Variants in ARL6IP1 observed in about 807,000 individuals in gnomAD.
The protein encoded by ARL6IP1 is ARL6 interacting reticulophagy regulator 1.
In ARL6IP1, 16 loss-of-function variants were observed where a neutral mutation model predicts 30.1. That is an observed-to-expected ratio of 0.53 (90% CI 0.36 to 0.81). The LOEUF is 0.81. ARL6IP1 is among the 30% of genes least tolerant of loss of function. ARL6IP1 has a pLI of 0.01. For synonymous variants in ARL6IP1, 72 were observed against 84.8 expected, an observed-to-expected ratio of 0.85 and a Z score of 0.83; for missense variants, 173 against 242.7, an observed-to-expected ratio of 0.71 and a Z score of 1.91.
chr16:18,795,799 G>T (rs2030214069), intron 3 of ARL6IP1, among the ~76,000 whole-genome samples: 1 of 151,896 alleles, frequency 6.6e-6, no homozygotes, highest in Admixed American at 6.6e-5. Flanking sequence ...GAGAGAGAGT[G>T]TGTGTGTGTG....
chr16:18,798,636 G>C, intron 2 of ARL6IP1, 65 bp downstream of exon 2: 1 of 1,542,210 alleles, frequency 6.5e-7, no homozygotes, highest in Non-Finnish European at 8.8e-7. Flanking sequence ...ACAAACAGAA[G>C]CTATATATTA....
intron 3 of ARL6IP1, chr16:18,797,627 C>A: frequency 5.0e-6 from 1 of 200,168 alleles, no homozygotes; most frequent in Non-Finnish European, 1.0e-5. Context: ...TGAAAATCTG[C>A]CAGTTTCCTT....
intron 1 of ARL6IP1, chr16:18,801,209 G>GA (rs2141875724): frequency 7.1e-7 from 1 of 1,412,364 alleles, no homozygotes; most frequent in East Asian, 2.6e-5. Flanking sequence ...TCGCGGTGAT[G>GA]AATCACGCGC....
At chr16:18,800,117 A>AGTGTG (rs1200378159) in intron 1 of ARL6IP1, among the ~76,000 whole-genome samples, 7 of 152,222 alleles carry the variant, frequency 4.6e-5, no homozygotes, top group Non-Finnish European at 8.8e-5. Context: ...TGCCACGCTG[A>AGTGTG]GCACTAGTGT....
At chr16:18,797,027 A>G (rs992147595) in intron 3 of ARL6IP1, among the ~76,000 whole-genome samples, 3 of 152,148 alleles carry the variant, frequency 2.0e-5, no homozygotes, top group Non-Finnish European at 4.4e-5. Flanking sequence ...GAAAGTTAAA[A>G]TACTTTTAAT....
At chr16:18,801,108 C>CT in intron 1 of ARL6IP1, 1 of 1,158,104 alleles carries the variant, frequency 8.6e-7, no homozygotes, top group Non-Finnish European at 1.1e-6. Context: ...CGCGAAAGCG[C>CT]TGGACAGGCC....
chr16:18,797,378 T>A (rs1350724195), intron 3 of ARL6IP1, among the ~76,000 whole-genome samples: 1 of 135,250 alleles, frequency 7.4e-6, no homozygotes, highest in Non-Finnish European at 1.6e-5. Flanking sequence ...CGAGCCTCCA[T>A]CTCAAAAAAA....
Position 18,801,415 on chromosome 16 carries a change from G to C in ARL6IP1, c.36+16C>G, listed in dbSNP as rs2030407882. The C allele has an allele frequency of 1.2e-6, 2 of 1,612,540 alleles. No individual in the cohort carries two copies. The highest frequency in any genetic ancestry group is 1.7e-6 in the Non-Finnish European group (2 of 1,179,668). Reference sequence around the variant, plus strand: ...GGCCTCGCTCGGCTCCCGGGGGACAGGCAGCCAGGACTCACCAGCAGGTTG... The same window carrying C: ...GGCCTCGCTCGGCTCCCGGGGGACACGCAGCCAGGACTCACCAGCAGGTTG... On this transcript the variant is annotated intron_variant, in intron 1 of 5. Coordinates refer to ENST00000304414, the MANE Select transcript of ARL6IP1 (RefSeq NM_015161.3).
chr16:18,796,614 A>G (rs1004450203), intron 3 of ARL6IP1, among the ~76,000 whole-genome samples: 6 of 152,350 alleles, frequency 3.9e-5, no homozygotes, highest in Non-Finnish European at 7.4e-5. Flanking sequence ...AAGGTCAGTG[A>G]TTTATTTCCT....
At chr16:18,797,093 A>G (rs549702083) in intron 3 of ARL6IP1, among the ~76,000 whole-genome samples, 26 of 152,222 alleles carry the variant, frequency 1.7e-4, no homozygotes, top group Non-Finnish European at 3.2e-4. Flanking sequence ...CTCATGGTAT[A>G]AATAGGCCGG....
chr16:18,798,857 G>A (rs2030321599), intron 1 of ARL6IP1, 23 bp from the exon 2 acceptor site: 3 of 1,606,030 alleles, frequency 1.9e-6, no homozygotes, highest in African/African-American at 1.3e-5. Flanking sequence ...GACATTTAAA[G>A]TGATCATTTT....
chr16:18,801,351 GGGACGA>G, intron 1 of ARL6IP1, 74 bp downstream of exon 1: 1 of 1,581,614 alleles, frequency 6.3e-7, no homozygotes, highest in Non-Finnish European at 8.6e-7. Flanking sequence ...GCGGGTGACA[GGGACGA>G]GGCCGCGGTG....
chr16:18,794,890 A>G (rs1451892045), intron 4 of ARL6IP1, among the ~76,000 whole-genome samples: 1 of 152,204 alleles, frequency 6.6e-6, no homozygotes, highest in Non-Finnish European at 1.5e-5. Context: ...TCTTCCTAGA[A>G]TTACTGCAAT....
rs1182580126 is a variant in ARL6IP1, at chr16:18,797,921, C to T, written c.290+4G>A. 6.2e-7 allele frequency: 1 copy of T among 1,609,754 alleles called. No individual in the cohort carries two copies. Among genetic ancestry groups the T allele is most frequent in the Non-Finnish European group, 8.5e-7 (1 of 1,178,862 alleles). On this transcript the variant is annotated splice_donor_region_variant and intron_variant, in intron 3 of 5. Transcript: ENST00000304414. ...TGAGACTGCCAAATCATTATGCTACCTACCATTTATTGGAGCCAAAAATTC... is the reference window on the plus strand; with the variant it reads ...TGAGACTGCCAAATCATTATGCTACTTACCATTTATTGGAGCCAAAAATTC...
In ARL6IP1 at chr16:18,792,580, G is replaced by A. The variant is rs2030097679; in HGVS notation, c.*672C>T. On this transcript the variant is annotated 3_prime_UTR_variant, in exon 6 of 6. Coordinates refer to ENST00000304414, the MANE Select transcript of ARL6IP1 (RefSeq NM_015161.3). ...GGATTTACTAACTTCGAGTCTAAGT[G>A]CAAGGGGACGAAAGCTTAAGCCTGT... 5 of 152,636 alleles carry A rather than the reference G, an allele frequency of 3.3e-5. No individual in the cohort carries two copies. The highest frequency in any genetic ancestry group is 1.2e-4 in the African/African-American group (5 of 41,558). The allele number at this position is 152,636 out of a possible 1,614,324, so 9.5% of individuals were successfully genotyped here. A position where few individuals can be genotyped will look rare whatever the true frequency, so the allele number is the denominator to read the frequency against.
In ARL6IP1 at chr16:18,793,139, G is replaced by A; in HGVS notation, c.*113C>T. ...TGAATTTCTATTAACTAAGGGCAGA[G>A]TGAGGGAGAACAAAGAGCTACTTCC... On this transcript the variant is annotated 3_prime_UTR_variant, in exon 6 of 6. Transcript: ENST00000304414. 2.9e-6 allele frequency: 2 copies of A among 695,620 alleles called. No individual in the cohort carries two copies. The highest frequency in any genetic ancestry group is 5.3e-5 in the East Asian group (2 of 37,480). 43.1% of individuals were successfully genotyped at this position (695,620 alleles called of 1,614,324 possible).
intron 1 of ARL6IP1, chr16:18,801,148 C>T: frequency 1.5e-6 from 2 of 1,361,644 alleles, no homozygotes; most frequent in South Asian, 3.1e-5. Flanking sequence ...CACCCGCACC[C>T]CAGGCTAGTG....
At chr16:18,801,310 C>A (rs1388387906) in intron 1 of ARL6IP1, 121 bp downstream of exon 1, 2 of 1,521,788 alleles carry the variant, frequency 1.3e-6, no homozygotes, top group East Asian at 4.8e-5. Context: ...GGCATCGTCG[C>A]CTGCCCAGGG....
At position 18,792,399 on chromosome 16, in the gene ARL6IP1, A is replaced by G. The variant is rs1395416073; in HGVS notation, c.*853T>C. 1 of 152,236 alleles carries G rather than the reference A, an allele frequency of 6.6e-6. No homozygotes were observed. The highest frequency in any genetic ancestry group is 2.4e-5 in the African/African-American group (1 of 41,466). The allele number at this position is 152,236 out of a possible 1,614,324, so 9.4% of individuals were successfully genotyped here. A position where few individuals can be genotyped will look rare whatever the true frequency, so the allele number is the denominator to read the frequency against. On this transcript the variant is annotated 3_prime_UTR_variant, in exon 6 of 6. Transcript: ENST00000304414. ...AATGAATATTGACTAAACATAGAAG[A>G]CTGCTGTCCTTTTGCCAGTCTTAGA...
Sources: gnomAD v4.1 joint callset for allele counts (sites outside exome capture counted in the v4.1 genomes callset) on GRCh38, gnomAD v4.1.1 for gene constraint, MANE v1.5 for transcripts, NCBI Gene and HGNC (gene_info 2026-07-23, HGNC 2026-07-21) for gene names.